Variants in MCTP2 observed in about 807,000 individuals in gnomAD.
The protein encoded by MCTP2 is multiple C2 and transmembrane domain-containing protein 2.
Under a neutral mutation model 111.6 loss-of-function variants are expected in MCTP2, and 132 were observed. The observed-to-expected ratio is 1.18, with a 90% CI of 1.03 to 1.37. The LOEUF is 1.37. Among genes scored for constraint, MCTP2 ranks in the 40% most tolerant of loss-of-function variants. MCTP2 has a pLI of 0.00. For synonymous variants in MCTP2, 395 were observed against 387.7 expected (o/e 1.02, Z -0.22); for missense variants, 1,183 against 1,067.9 (o/e 1.11, Z -1.50).
At chr15:94,385,692 T>G (rs554236621) in intron 14 of MCTP2, 167 bp downstream of exon 14, 1 of 571,700 alleles carries the variant, frequency 1.7e-6, no homozygotes, top group Non-Finnish European at 3.1e-6. Flanking sequence ...TTCAGTAGTT[T>G]CAGATATAAA....
intron 1 of MCTP2, among the ~76,000 whole-genome samples, chr15:94,290,531 T>C (rs746821505): frequency 3.9e-5 from 6 of 152,136 alleles, no homozygotes; most frequent in Admixed American, 2.0e-4. Flanking sequence ...AATGATAAAA[T>C]GGCAGACCTA....
intron 14 of MCTP2, among the ~76,000 whole-genome samples, chr15:94,388,250 G>A (rs1279286448): frequency 1.3e-5 from 2 of 152,196 alleles, no homozygotes; most frequent in Admixed American, 6.5e-5. Flanking sequence ...AAATAGCACA[G>A]CCTGGGCCAT....
intron 20 of MCTP2, among the ~76,000 whole-genome samples, chr15:94,465,107 T>A (rs2152534320): frequency 6.6e-6 from 1 of 152,276 alleles, no homozygotes; most frequent in South Asian, 2.1e-4. Context: ...TTTTGCTTTC[T>A]ATATTTTGAA....
intron 4 of MCTP2, among the ~76,000 whole-genome samples, chr15:94,322,356 A>G (rs2076670045): frequency 6.6e-6 from 1 of 152,064 alleles, no homozygotes; most frequent in Non-Finnish European, 1.5e-5. Context: ...CTGCTAAGGA[A>G]GGAGTTCTGC....
chr15:94,261,001 C>T (rs1248570519), intron 1 of MCTP2, among the ~76,000 whole-genome samples: 1 of 152,128 alleles, frequency 6.6e-6, no homozygotes, highest in African/African-American at 2.4e-5. Context: ...CCTTGGTGTC[C>T]ACAACCTTTT....
At chr15:94,276,415 A>G (rs1482530128) in intron 1 of MCTP2, among the ~76,000 whole-genome samples, 1 of 152,166 alleles carries the variant, frequency 6.6e-6, no homozygotes, top group Non-Finnish European at 1.5e-5. Context: ...CACCAGTTAA[A>G]TAACTATTTT....
intron 17 of MCTP2, among the ~76,000 whole-genome samples, chr15:94,424,372 C>A (rs1317363320): frequency 6.6e-6 from 1 of 151,898 alleles, no homozygotes; most frequent in African/African-American, 2.4e-5. Flanking sequence ...TACGTATCAC[C>A]TGGTGGACGC....
intron 8 of MCTP2, among the ~76,000 whole-genome samples, chr15:94,347,686 G>A (rs889667806): frequency 6.6e-6 from 1 of 151,936 alleles, no homozygotes; most frequent in Non-Finnish European, 1.5e-5. Flanking sequence ...TACAATCTTT[G>A]GTGTGACCAG....
chr15:94,360,808 G>A (rs2078888791), intron 10 of MCTP2, among the ~76,000 whole-genome samples: 1 of 150,712 alleles, frequency 6.6e-6, no homozygotes, highest in African/African-American at 2.4e-5. Flanking sequence ...ACATATACCT[G>A]TCTTGGTGGT....
At chr15:94,249,718 C>G (rs1191805206) in intron 1 of MCTP2, among the ~76,000 whole-genome samples, 1 of 152,018 alleles carries the variant, frequency 6.6e-6, no homozygotes, top group Admixed American at 6.5e-5. Context: ...ATCTCCTGAC[C>G]TCGTGATCCA....
intron 17 of MCTP2, among the ~76,000 whole-genome samples, chr15:94,429,372 A>T (rs948291283): frequency 6.6e-6 from 1 of 152,128 alleles, no homozygotes; most frequent in Non-Finnish European, 1.5e-5. Flanking sequence ...CATTGTAATA[A>T]ACCCTTTCAA....
chr15:94,385,734 A>T (rs1228385134), intron 14 of MCTP2, among the ~76,000 whole-genome samples: 1 of 152,176 alleles, frequency 6.6e-6, no homozygotes, highest in African/African-American at 2.4e-5. Flanking sequence ...TCAGTCCAAT[A>T]TTGACGTAAC....
At chr15:94,425,318 C>T (rs150242949) in intron 17 of MCTP2, among the ~76,000 whole-genome samples, 1 of 152,092 alleles carries the variant, frequency 6.6e-6, no homozygotes, top group African/African-American at 2.4e-5. Flanking sequence ...ACCAGTATCA[C>T]ACAAATATTT....
chr15:94,430,897 C>G (rs1399111567), intron 17 of MCTP2, among the ~76,000 whole-genome samples: 3 of 152,156 alleles, frequency 2.0e-5, no homozygotes, highest in Non-Finnish European at 4.4e-5. Flanking sequence ...CACTTACTGC[C>G]CTCTCAGTGA....
intron 2 of MCTP2, among the ~76,000 whole-genome samples, chr15:94,302,508 G>A (rs1487218719): frequency 6.6e-6 from 1 of 152,198 alleles, no homozygotes; most frequent in Non-Finnish European, 1.5e-5. Flanking sequence ...AAATCCAGCT[G>A]TAAAACCAAA....
At chr15:94,258,560 G>A (rs1464032501) in intron 1 of MCTP2, among the ~76,000 whole-genome samples, 4 of 152,176 alleles carry the variant, frequency 2.6e-5, no homozygotes, top group Non-Finnish European at 2.9e-5. Flanking sequence ...AATAGTTAAT[G>A]AATTTTCCCA....
intron 17 of MCTP2, among the ~76,000 whole-genome samples, chr15:94,415,153 A>G (rs947101039): frequency 6.6e-6 from 1 of 152,162 alleles, no homozygotes; most frequent in African/African-American, 2.4e-5. Flanking sequence ...GGGAGGTCGC[A>G]GAGTGTTAAT....
At chr15:94,243,119 ATATG>A (rs2071170102) in intron 1 of MCTP2, among the ~76,000 whole-genome samples, 2 of 144,548 alleles carry the variant, frequency 1.4e-5, no homozygotes, top group African/African-American at 5.1e-5. Context: ...GGGTGTGTAT[ATATG>A]TATCTACGGG....
intron 1 of MCTP2, among the ~76,000 whole-genome samples, chr15:94,297,486 T>C (rs2075326986): frequency 6.6e-6 from 1 of 152,182 alleles, no homozygotes; most frequent in African/African-American, 2.4e-5. Context: ...TTTGCTCTAA[T>C]CACCTGTATG....
Sources: allele counts gnomAD v4.1 joint callset (sites outside exome capture counted in the v4.1 genomes callset), GRCh38; gene constraint gnomAD v4.1.1; transcripts MANE v1.5; gene names NCBI Gene and HGNC (gene_info 2026-07-23, HGNC 2026-07-21).